The following SBF2 variants were observed in gnomAD, a reference collection of about 807,000 sequenced individuals.
SBF2 encodes the protein myotubularin-related protein 13.
A neutral mutation model predicts 225.2 loss-of-function variants in SBF2; 112 were observed. That is an observed-to-expected ratio of 0.50 (90% CI 0.43 to 0.58). The LOEUF (loss-of-function observed/expected upper bound fraction) is 0.58, where lower values mean the gene tolerates loss of function less well. SBF2 is among the 20% of genes least tolerant of loss of function. The pLI, the probability that SBF2 is intolerant of heterozygous loss-of-function variation, is 0.00. For missense variants in SBF2, 1,996 were observed against 2,206.2 expected (o/e 0.90, Z 1.91); for synonymous variants, 763 against 773.3 (o/e 0.99, Z 0.22).
upstream of SBF2, among the ~76,000 whole-genome samples, chr11:10,298,122 G>A: frequency 6.6e-6 from 1 of 152,222 alleles, no homozygotes; most frequent in East Asian, 1.9e-4. Context: ...GGAATGCGGT[G>A]GCTCACACCT....
At chr11:10,220,045 T>C (rs1038507654) in intron 1 of SBF2, among the ~76,000 whole-genome samples, 1 of 152,208 alleles carries the variant, frequency 6.6e-6, no homozygotes, top group Non-Finnish European at 1.5e-5. Context: ...TAATCTGTTC[T>C]GATGCTGCTA....
chr11:9,910,160 T>C (rs1009721344), intron 16 of SBF2, among the ~76,000 whole-genome samples: 3 of 151,988 alleles, frequency 2.0e-5, no homozygotes, highest in Non-Finnish European at 4.4e-5. Context: ...CTTATAATGA[T>C]GTTTTGGTCA....
intron 16 of SBF2, among the ~76,000 whole-genome samples, chr11:9,937,125 G>A (rs553042859): frequency 8.5e-5 from 13 of 152,242 alleles, no homozygotes; most frequent in African/African-American, 3.1e-4. Flanking sequence ...GAAGATTAAA[G>A]AAAATTGCCC....
At chr11:9,859,438 T>TA (rs1219124665) in intron 17 of SBF2, among the ~76,000 whole-genome samples, 2 of 152,236 alleles carry the variant, frequency 1.3e-5, no homozygotes, top group African/African-American at 4.8e-5. Context: ...CTGCCACCTC[T>TA]AAAAGCTAAG....
At position 9,992,995 on chromosome 11, in the gene SBF2, G is replaced by A; in HGVS notation, c.1162C>T (p.His388Tyr). ...RIHAEPVIHF[H>Y]KTAFLGQRGL... The stretch of plus-strand genomic sequence containing the variant: ...AATATAGTACTCTATCTTACCTTGT[G>A]GAAATGTATTACTGGCTCTGCATGA... Residue 388 changes from histidine to tyrosine, a missense_variant, in exon 11 of 40, where the codon CAC becomes TAC. Coordinates refer to ENST00000256190, the MANE Select transcript of SBF2 (RefSeq NM_030962.4). 6.3e-7 allele frequency: 1 copy of A among 1,595,842 alleles called. No individual in the cohort carries two copies. Among genetic ancestry groups the A allele is most frequent in the Non-Finnish European group, 8.6e-7 (1 of 1,165,134 alleles).
intron 2 of SBF2, among the ~76,000 whole-genome samples, chr11:10,172,087 T>A (rs549120744): frequency 7.2e-5 from 11 of 152,268 alleles, no homozygotes; most frequent in South Asian, 4.1e-4. Context: ...AAAAACCAAC[T>A]TTTTGTTTTG....
At chr11:10,095,850 G>A (rs1356944956) in intron 2 of SBF2, among the ~76,000 whole-genome samples, 1 of 152,030 alleles carries the variant, frequency 6.6e-6, no homozygotes, top group Non-Finnish European at 1.5e-5. Context: ...TGAGCAAAAT[G>A]TCCCAAATAA....
chr11:9,856,743 C>T (rs372807666), intron 18 of SBF2, 23 bp from the exon 19 acceptor site: 29 of 1,610,390 alleles, frequency 1.8e-5, no homozygotes, highest in Non-Finnish European at 1.7e-5. Flanking sequence ...GCAACACAAT[C>T]CAAAAGAGAA....
At chr11:9,835,631 C>CAAA (rs58436467) in intron 26 of SBF2, among the ~76,000 whole-genome samples, 2 of 62,136 alleles carry the variant, frequency 3.2e-5, no homozygotes, top group South Asian at 6.4e-4. Flanking sequence ...GACCTTGTCT[C>CAAA]AAAAAAAAAA....
intron 16 of SBF2, among the ~76,000 whole-genome samples, chr11:9,944,537 G>A (rs183986117): frequency 2.0e-5 from 3 of 152,200 alleles, no homozygotes; most frequent in African/African-American, 7.2e-5. Flanking sequence ...TTTTCAAATA[G>A]TCAAACACAT....
At chr11:10,047,403 C>T (rs1949904252) in intron 2 of SBF2, among the ~76,000 whole-genome samples, 1 of 152,152 alleles carries the variant, frequency 6.6e-6, no homozygotes, top group African/African-American at 2.4e-5. Context: ...CAGTGTGATA[C>T]TGGCAAAAGA....
intron 9 of SBF2, 26 bp downstream of exon 9, chr11:9,998,240 G>C: frequency 7.8e-7 from 1 of 1,286,696 alleles, no homozygotes; most frequent in Non-Finnish European, 1.1e-6. Flanking sequence ...TAAAGAGAAA[G>C]TTACTATTAC....
At chr11:10,106,660 T>C (rs547037228) in intron 2 of SBF2, among the ~76,000 whole-genome samples, 1 of 147,426 alleles carries the variant, frequency 6.8e-6, no homozygotes, top group South Asian at 2.1e-4. Context: ...CCCACACAAT[T>C]AAAAAACTAA....
rs936250821 is a variant in SBF2 at position 9,959,926 on chromosome 11, C to T, written c.1860+2031G>A. 5.9e-5 allele frequency: 19 copies of T among 321,178 alleles called. 1 individual carries two copies. The highest frequency in any genetic ancestry group is 1.8e-4 in the South Asian group (6 of 32,450). The allele number at this position is 321,178 out of a possible 1,614,324, so 19.9% of individuals were successfully genotyped here. ...ATTCTCGGCTCTGCCTTTTAAGATA[C>T]TTAAATCTTTTGCTCATTTTCAAGT... On this transcript the variant is annotated intron_variant, in intron 16 of 39. Transcript: ENST00000256190.
intron 2 of SBF2, among the ~76,000 whole-genome samples, chr11:10,131,928 C>T (rs1253972904): frequency 6.6e-6 from 1 of 152,056 alleles, no homozygotes; most frequent in African/African-American, 2.4e-5. Context: ...AACTCTTCAC[C>T]AAGTTTTAGT....
intron 2 of SBF2, among the ~76,000 whole-genome samples, chr11:10,159,571 C>A (rs1440887407): frequency 6.6e-6 from 1 of 152,186 alleles, no homozygotes; most frequent in Non-Finnish European, 1.5e-5. Context: ...AATCAGCACT[C>A]TTGGCTCACT....
intron 1 of SBF2, among the ~76,000 whole-genome samples, chr11:10,235,364 G>A (rs763690969): frequency 2.6e-5 from 4 of 152,010 alleles, no homozygotes; most frequent in Admixed American, 6.6e-5. Context: ...GAGAAACCCC[G>A]TCTCTACTAA....
At chr11:10,220,989 G>T (rs1204425527) in intron 1 of SBF2, among the ~76,000 whole-genome samples, 2 of 151,954 alleles carry the variant, frequency 1.3e-5, no homozygotes. Flanking sequence ...TCTCTTTCCT[G>T]TCAGACTGGG....
In SBF2 at chr11:9,853,678, C is replaced by T; in HGVS notation, c.2398G>A (p.Glu800Lys). ...AGSVAESYDT[E>K]SGFEDSENTD... ...TTCTCTGAATCTTCAAACCCACTCTCTGTATCATAGCTCTCAGCTACACTT... is the reference window on the plus strand; with the variant it reads ...TTCTCTGAATCTTCAAACCCACTCTTTGTATCATAGCTCTCAGCTACACTT... The change falls in exon 20 of 40, where the codon GAG becomes AAG. Residue 800 changes from glutamate to lysine, a missense_variant. Transcript: ENST00000256190. 6.2e-7 allele frequency: 1 copy of T among 1,614,032 alleles called. No homozygotes were observed. Among genetic ancestry groups the T allele is most frequent in the Non-Finnish European group, 8.5e-7 (1 of 1,179,930 alleles).
Sources: allele counts gnomAD v4.1 joint callset (sites outside exome capture counted in the v4.1 genomes callset), GRCh38; gene constraint gnomAD v4.1.1; transcripts MANE v1.5; gene names NCBI Gene and HGNC (gene_info 2026-07-23, HGNC 2026-07-21).